Variants in NUBPL observed in about 807,000 individuals in gnomAD.
NUBPL encodes the protein iron-sulfur cluster transfer protein NUBPL.
A neutral mutation model predicts 45.7 loss-of-function variants in NUBPL; 31 were observed. The ratio of observed to expected loss-of-function variants is 0.68; its 90% CI spans 0.51 to 0.92. NUBPL has a LOEUF of 0.92. NUBPL is among the 40% of genes least tolerant of loss of function. The pLI, the probability that NUBPL is intolerant of heterozygous loss-of-function variation, is 0.00. For synonymous variants in NUBPL, 144 were observed against 140.9 expected, an observed-to-expected ratio of 1.02 and a Z score of -0.15; for missense variants, 401 against 398.7, an observed-to-expected ratio of 1.01 and a Z score of -0.05.
chr14:31,617,830 G>A (rs771883864), intron 4 of NUBPL, among the ~76,000 whole-genome samples: 5 of 152,132 alleles, frequency 3.3e-5, no homozygotes, highest in Non-Finnish European at 5.9e-5. Context: ...TCTATTGATT[G>A]GAATAGTTTC....
intron 4 of NUBPL, among the ~76,000 whole-genome samples, chr14:31,638,376 G>T (rs1396206733): frequency 6.6e-6 from 1 of 151,330 alleles, no homozygotes. Flanking sequence ...ATGAAATTCT[G>T]GGTTGAAAAT....
At chr14:31,645,086 G>A (rs1196710210) in intron 4 of NUBPL, among the ~76,000 whole-genome samples, 1 of 131,522 alleles carries the variant, frequency 7.6e-6, no homozygotes, top group Non-Finnish European at 1.6e-5. Context: ...TTTTTTTTGA[G>A]ATGGAGTCTC....
chr14:31,816,427 CTTT>C (rs1005982184), intron 7 of NUBPL, among the ~76,000 whole-genome samples: 1 of 145,378 alleles, frequency 6.9e-6, no homozygotes, highest in African/African-American at 2.5e-5. Context: ...CTCTTTTCTT[CTTT>C]ATTAGTCTGG....
intron 6 of NUBPL, among the ~76,000 whole-genome samples, chr14:31,684,056 C>T (rs2036898309): frequency 6.6e-6 from 1 of 152,072 alleles, no homozygotes; most frequent in South Asian, 2.1e-4. Context: ...TGATGCTTTC[C>T]AGAATTACAT....
At chr14:31,818,595 G>A (rs2039964553) in intron 7 of NUBPL, among the ~76,000 whole-genome samples, 1 of 151,890 alleles carries the variant, frequency 6.6e-6, no homozygotes, top group Admixed American at 6.6e-5. Context: ...CACCCAGGCT[G>A]GACTGCAGTT....
At chr14:31,679,695 A>AT (rs2036784253) in intron 6 of NUBPL, among the ~76,000 whole-genome samples, 1 of 152,064 alleles carries the variant, frequency 6.6e-6, no homozygotes, top group South Asian at 2.1e-4. Flanking sequence ...GGAAATGTGC[A>AT]TTTTCCAACT....
intron 1 of NUBPL, 23 bp downstream of exon 1, chr14:31,561,570 G>C (rs774741660): frequency 7.5e-7 from 1 of 1,339,382 alleles, no homozygotes; most frequent in South Asian, 2.2e-5. Context: ...GCAGGGCAGG[G>C]GGAAGCGGGC....
intron 6 of NUBPL, among the ~76,000 whole-genome samples, chr14:31,682,151 T>G (rs1282748508): frequency 6.6e-6 from 1 of 152,150 alleles, no homozygotes; most frequent in Non-Finnish European, 1.5e-5. Flanking sequence ...GATTGTATAT[T>G]TGCCCATTTC....
chr14:31,743,179 T>G (rs1392573239), intron 6 of NUBPL, among the ~76,000 whole-genome samples: 1 of 152,164 alleles, frequency 6.6e-6, no homozygotes, highest in East Asian at 1.9e-4. Flanking sequence ...GAACCTGAAG[T>G]TCACCTCCAC....
chr14:31,763,876 A>T (rs1262961402), intron 6 of NUBPL, among the ~76,000 whole-genome samples: 2 of 152,194 alleles, frequency 1.3e-5, no homozygotes, highest in African/African-American at 4.8e-5. Flanking sequence ...TTATAATCTA[A>T]TTAACAGTCC....
rs2040708125 is a variant in NUBPL, at chr14:31,861,217, A to T, written c.*2037A>T. The T allele has an allele frequency of 6.6e-6, 1 of 152,232 alleles. No individual in the cohort carries two copies. Among genetic ancestry groups the T allele is most frequent in the Non-Finnish European group, 1.5e-5 (1 of 68,044 alleles). The allele number at this position is 152,232 out of a possible 1,614,324, so 9.4% of individuals were successfully genotyped here. On this transcript the variant is annotated 3_prime_UTR_variant, in exon 11 of 11. Transcript: ENST00000281081. ...TCAAAATAAAAATAAAAGTTAAAAA[A>T]ACACAAACTGCTATATCTGAACTGA...
intron 4 of NUBPL, among the ~76,000 whole-genome samples, chr14:31,663,605 T>C (rs1041944160): frequency 3.3e-5 from 5 of 152,190 alleles, no homozygotes; most frequent in Non-Finnish European, 5.9e-5. Context: ...CATATATCTG[T>C]TTTGGTACCA....
At chr14:31,664,929 T>G (rs554653763) in intron 4 of NUBPL, among the ~76,000 whole-genome samples, 1 of 151,924 alleles carries the variant, frequency 6.6e-6, no homozygotes, top group Non-Finnish European at 1.5e-5. Flanking sequence ...TATTGGTCTA[T>G]TCAGGTATTA....
intron 6 of NUBPL, among the ~76,000 whole-genome samples, chr14:31,675,608 G>T (rs1566493625): frequency 6.6e-6 from 1 of 152,070 alleles, no homozygotes; most frequent in Non-Finnish European, 1.5e-5. Flanking sequence ...TCATCATTTA[G>T]AACAAGATAA....
chr14:31,643,936 G>T (rs2035775034), intron 4 of NUBPL, among the ~76,000 whole-genome samples: 1 of 151,778 alleles, frequency 6.6e-6, no homozygotes, highest in Admixed American at 6.6e-5. Flanking sequence ...GTGTATTGTT[G>T]TTTCTTATAA....
At chr14:31,848,519 A>G (rs557417850) in intron 9 of NUBPL, among the ~76,000 whole-genome samples, 2 of 152,206 alleles carry the variant, frequency 1.3e-5, no homozygotes, top group African/African-American at 4.8e-5. Flanking sequence ...GGGACAGTTT[A>G]TGCATAGTAG....
In NUBPL at chr14:31,676,754, A is replaced by G. The variant is rs1445971697; in HGVS notation, c.513+3180A>G. Among the ~76,000 whole-genome samples the G allele has an allele frequency of 2.0e-5, 3 of 150,346 alleles. No individual in the cohort carries two copies. The East Asian group carries it at 6.0e-4, about 30-fold the overall frequency. ...TGTTCAAGTCTTCTACTCATTTTTT[A>G]TTTTTTATTTTTTATTTTTATTTAT... On this transcript the variant is annotated intron_variant, in intron 6 of 10. Transcript: ENST00000281081.
intron 6 of NUBPL, among the ~76,000 whole-genome samples, chr14:31,781,835 TTC>T (rs2138798875): frequency 6.6e-6 from 1 of 152,274 alleles, no homozygotes; most frequent in Admixed American, 6.5e-5. Flanking sequence ...TTCCCTATAA[TTC>T]TCTTTCTTAA....
At chr14:31,662,662 A>G (rs2036302468) in intron 4 of NUBPL, among the ~76,000 whole-genome samples, 1 of 152,114 alleles carries the variant, frequency 6.6e-6, no homozygotes, top group African/African-American at 2.4e-5. Flanking sequence ...CATCCTTTTT[A>G]TGGCTGCATA....
Sources: gnomAD v4.1 joint callset for allele counts (sites outside exome capture counted in the v4.1 genomes callset) on GRCh38, gnomAD v4.1.1 for gene constraint, MANE v1.5 for transcripts, NCBI Gene and HGNC (gene_info 2026-07-23, HGNC 2026-07-21) for gene names.